Variants in GPR141 observed in about 807,000 individuals in gnomAD.
The protein encoded by GPR141 is G protein-coupled receptor 141, also known as probable G protein-coupled receptor 141.
In GPR141, 6 loss-of-function variants were observed where a neutral mutation model predicts 6.8. The observed-to-expected ratio is 0.88, with a 90% CI of 0.48 to 1.74. The LOEUF is 1.74. GPR141 is among the 40% of genes most tolerant of loss of function. GPR141 has a pLI of 0.01. For synonymous variants in GPR141, 140 were observed against 142.3 expected, an observed-to-expected ratio of 0.98 and a Z score of 0.11; for missense variants, 372 against 372.9, an observed-to-expected ratio of 1.00 and a Z score of 0.02.
intron 2 of GPR141, among the ~76,000 whole-genome samples, chr7:37,708,322 A>AC (rs1411236091): frequency 9.9e-4 from 150 of 151,218 alleles, no homozygotes; most frequent in African/African-American, 3.5e-3. Context: ...AAAAAAAAAA[A>AC]AAAAAAAAAA....
chr7:37,734,741 A>G (rs147850153), intron 2 of GPR141, among the ~76,000 whole-genome samples: 23 of 152,338 alleles, frequency 1.5e-4, no homozygotes, highest in African/African-American at 5.3e-4. Context: ...GGAGTCAGAG[A>G]AAACTTCCCT....
At chr7:37,732,630 T>C (rs903726811) in intron 2 of GPR141, among the ~76,000 whole-genome samples, 3 of 151,424 alleles carry the variant, frequency 2.0e-5, no homozygotes, top group Non-Finnish European at 4.4e-5. Flanking sequence ...TGATCATAGG[T>C]AGGTGGGATC....
Position 37,740,383 on chromosome 7 carries a change from A to G in GPR141, c.-11A>G. 1 of 1,571,164 alleles carries G rather than the reference A, an allele frequency of 6.4e-7. No individual in the cohort carries two copies. The highest frequency in any genetic ancestry group is 8.7e-7 in the Non-Finnish European group (1 of 1,154,488). On this transcript the variant is annotated 5_prime_UTR_variant, in exon 3 of 3. Transcript: ENST00000334425. ...TCTGGTGCTTTTTCTCCTCCAGGTGACTTCCCAAGTATGCCTGGCCACAAT... is the reference window on the plus strand; with the variant it reads ...TCTGGTGCTTTTTCTCCTCCAGGTGGCTTCCCAAGTATGCCTGGCCACAAT...
intron 1 of GPR141, among the ~76,000 whole-genome samples, chr7:37,684,831 A>T (rs1490952082): frequency 2.6e-5 from 4 of 152,186 alleles, no homozygotes; most frequent in Non-Finnish European, 5.9e-5. Flanking sequence ...ATTGGGTTTA[A>T]ATCAGTTAAT....
At chr7:37,726,112 T>C (rs908822234) in intron 2 of GPR141, among the ~76,000 whole-genome samples, 6 of 152,234 alleles carry the variant, frequency 3.9e-5, no homozygotes, top group Non-Finnish European at 7.3e-5. Flanking sequence ...TAATTTGGTA[T>C]GAACATGAGC....
At chr7:37,687,346 T>C (rs1199302487) in intron 2 of GPR141, among the ~76,000 whole-genome samples, 1 of 152,134 alleles carries the variant, frequency 6.6e-6, no homozygotes, top group Non-Finnish European at 1.5e-5. Context: ...AGTAGCTTTG[T>C]ATATAGTTGG....
At chr7:37,715,966 G>A (rs555995066) in intron 2 of GPR141, among the ~76,000 whole-genome samples, 1 of 152,252 alleles carries the variant, frequency 6.6e-6, no homozygotes, top group African/African-American at 2.4e-5. Context: ...TTGTGATTAG[G>A]GGTGAGGCGG....
intron 2 of GPR141, among the ~76,000 whole-genome samples, chr7:37,713,160 C>T (rs965948301): frequency 6.6e-6 from 1 of 152,204 alleles, no homozygotes; most frequent in Non-Finnish European, 1.5e-5. Context: ...GTGGAAGAAA[C>T]TGCAAAGTTA....
Position 37,741,016 on chromosome 7 carries a change from T to C in GPR141, c.623T>C (p.Val208Ala). The C allele has an allele frequency of 2.5e-6, 4 of 1,614,150 alleles. No homozygotes were observed. Among genetic ancestry groups the C allele is most frequent in the Non-Finnish European group, 3.4e-6 (4 of 1,179,974 alleles). ...VFQVFIIMLMVQKLRHSLLSH... is the reference protein window; with the variant it reads ...VFQVFIIMLMAQKLRHSLLSH... Reference sequence around the variant, plus strand: ...CAGGTCTTCATCATTATGTTGATGGTGCAGAAGCTACGCCACTCTTTACTA... The same window carrying C: ...CAGGTCTTCATCATTATGTTGATGGCGCAGAAGCTACGCCACTCTTTACTA... Residue 208 changes from valine (V) to alanine (A), a missense_variant, in exon 3 of 3, where the codon GTG (valine) becomes GCG (alanine). Physicochemically the swap from Val to Ala is moderately conservative, Grantham distance 64. Transcript: ENST00000334425.
chr7:37,688,528 C>A (rs1476622421), intron 2 of GPR141, among the ~76,000 whole-genome samples: 3 of 152,190 alleles, frequency 2.0e-5, no homozygotes, highest in Non-Finnish European at 4.4e-5. Flanking sequence ...GGTATCAGCA[C>A]TTCCCTTCCT....
chr7:37,696,078 A>G (rs1352862263), intron 2 of GPR141, among the ~76,000 whole-genome samples: 1 of 152,240 alleles, frequency 6.6e-6, no homozygotes, highest in Non-Finnish European at 1.5e-5. Context: ...AATTCCCCAT[A>G]TAAACAATGG....
chr7:37,735,730 G>T (rs1351809415), intron 2 of GPR141, among the ~76,000 whole-genome samples: 1 of 152,032 alleles, frequency 6.6e-6, no homozygotes, highest in South Asian at 2.1e-4. Context: ...GAAAAAAACA[G>T]ATAATAGAAG....
chr7:37,726,750 G>A (rs1339487280), intron 2 of GPR141, among the ~76,000 whole-genome samples: 1 of 152,140 alleles, frequency 6.6e-6, no homozygotes, highest in African/African-American at 2.4e-5. Flanking sequence ...CAATGGTCAA[G>A]ATCAGGAAAA....
chr7:37,719,713 A>C (rs1811223333), intron 2 of GPR141, among the ~76,000 whole-genome samples: 2 of 152,188 alleles, frequency 1.3e-5, no homozygotes, highest in African/African-American at 4.8e-5. Context: ...AAACCAGAAA[A>C]AGGGGGCTGA....
chr7:37,699,394 T>G (rs2131750945), intron 2 of GPR141, among the ~76,000 whole-genome samples: 1 of 152,254 alleles, frequency 6.6e-6, no homozygotes, highest in Non-Finnish European at 1.5e-5. Context: ...ACCCCATTTC[T>G]ACTAAAAATA....
intron 2 of GPR141, among the ~76,000 whole-genome samples, chr7:37,729,157 T>A (rs1404453858): frequency 1.3e-5 from 2 of 152,148 alleles, no homozygotes; most frequent in African/African-American, 4.8e-5. Context: ...AGGGCTTACA[T>A]GTCATGGTAG....
intron 2 of GPR141, among the ~76,000 whole-genome samples, chr7:37,693,689 G>A (rs1809886235): frequency 6.6e-6 from 1 of 152,084 alleles, no homozygotes; most frequent in African/African-American, 2.4e-5. Flanking sequence ...TGGGGCCCTG[G>A]GGGAGCATGA....
chr7:37,731,376 C>T (rs920967965), intron 2 of GPR141, among the ~76,000 whole-genome samples: 2 of 152,138 alleles, frequency 1.3e-5, no homozygotes, highest in Non-Finnish European at 2.9e-5. Context: ...ACGTGGAGAA[C>T]GAGGTGTCTC....
chr7:37,738,609 G>A (rs1032576183), intron 2 of GPR141, among the ~76,000 whole-genome samples: 1 of 151,584 alleles, frequency 6.6e-6, no homozygotes. Flanking sequence ...TTTTTTCCAT[G>A]CCCACAAATG....
Sources: allele counts gnomAD v4.1 joint callset (sites outside exome capture counted in the v4.1 genomes callset), GRCh38; gene constraint gnomAD v4.1.1; transcripts MANE v1.5; gene names NCBI Gene and HGNC (gene_info 2026-07-23, HGNC 2026-07-21).